Variants in HDAC9 observed in about 807,000 individuals in gnomAD.
The protein encoded by HDAC9 is histone deacetylase 9.
In HDAC9, 41 loss-of-function variants were observed where a neutral mutation model predicts 139.4. The ratio of observed to expected loss-of-function variants is 0.29; its 90% CI spans 0.23 to 0.38. The LOEUF is 0.38. HDAC9 is among the 10% of genes least tolerant of loss of function. The pLI, the probability that HDAC9 is intolerant of heterozygous loss-of-function variation, is 1.00. For missense variants in HDAC9, 1,147 were observed against 1,297.0 expected, an observed-to-expected ratio of 0.88 and a Z score of 1.78; for synonymous variants, 517 against 476.2, an observed-to-expected ratio of 1.09 and a Z score of -1.12.
intron 16 of HDAC9, among the ~76,000 whole-genome samples, chr7:18,779,013 A>G (rs1057448219): frequency 6.6e-6 from 1 of 152,060 alleles, no homozygotes; most frequent in Non-Finnish European, 1.5e-5. Context: ...ATGGAATATC[A>G]GTCACAGTAT....
At chr7:18,404,632 A>C (rs2128737814) in intron 1 of HDAC9, among the ~76,000 whole-genome samples, 2 of 152,326 alleles carry the variant, frequency 1.3e-5, no homozygotes, top group Admixed American at 1.3e-4. Context: ...AATACAGTAA[A>C]TCTTCACTTA....
chr7:18,597,316 A>T (rs1832776877), intron 6 of HDAC9, among the ~76,000 whole-genome samples: 1 of 152,172 alleles, frequency 6.6e-6, no homozygotes, highest in South Asian at 2.1e-4. Context: ...TGCATTGCCC[A>T]CACTTAAAGT....
intron 2 of HDAC9, among the ~76,000 whole-genome samples, chr7:18,177,865 T>C (rs1229108707): frequency 6.6e-6 from 1 of 152,144 alleles, no homozygotes; most frequent in Non-Finnish European, 1.5e-5. Context: ...GTGAGGAGGC[T>C]GATTATAGTG....
chr7:18,253,089 C>CT (rs1284989523), intron 2 of HDAC9, among the ~76,000 whole-genome samples: 3 of 152,282 alleles, frequency 2.0e-5, no homozygotes, highest in Non-Finnish European at 2.9e-5. Flanking sequence ...TGACCTTGTT[C>CT]TTTTTTATGA....
chr7:18,865,533 C>A (rs908142825), intron 21 of HDAC9, among the ~76,000 whole-genome samples: 1 of 152,070 alleles, frequency 6.6e-6, no homozygotes, highest in Non-Finnish European at 1.5e-5. Context: ...GCTTAGCGCT[C>A]CTAGTGCTGA....
chr7:18,797,852 G>A (rs866126755), intron 17 of HDAC9, among the ~76,000 whole-genome samples: 2 of 151,504 alleles, frequency 1.3e-5, no homozygotes, highest in South Asian at 2.1e-4. Context: ...AATTCCTTTC[G>A]TCTTGTTAAT....
intron 2 of HDAC9, among the ~76,000 whole-genome samples, chr7:18,254,802 C>T (rs540411440): frequency 4.7e-4 from 71 of 152,170 alleles, no homozygotes; most frequent in African/African-American, 1.4e-3. Context: ...TTTTTAAGTG[C>T]TTTATTAAGT....
intron 21 of HDAC9, among the ~76,000 whole-genome samples, chr7:18,866,132 A>G (rs1798478733): frequency 6.7e-6 from 1 of 148,726 alleles, no homozygotes. Flanking sequence ...TTCTCATCCC[A>G]TTTCCAACCA....
At chr7:18,372,246 T>G (rs549219370) in intron 1 of HDAC9, among the ~76,000 whole-genome samples, 1 of 152,286 alleles carries the variant, frequency 6.6e-6, no homozygotes, top group East Asian at 1.9e-4. Context: ...TGCAACTGTA[T>G]GAATATGAAG....
At position 18,999,327 on chromosome 7, in the gene HDAC9, T is replaced by G. The variant is rs1585533540; in HGVS notation, c.*3265T>G. ...GTCTCTCTTAATAGTTTAGTCCTGCTTTATTTCCAAAGGGCAATTATAAAG... is the reference window on the plus strand; with the variant it reads ...GTCTCTCTTAATAGTTTAGTCCTGCGTTATTTCCAAAGGGCAATTATAAAG... On this transcript the variant is annotated 3_prime_UTR_variant, in exon 26 of 26. Transcript: ENST00000686413. The G allele has an allele frequency of 6.6e-6, 1 of 152,222 alleles. No homozygotes were observed. Among genetic ancestry groups the G allele is most frequent in the South Asian group, 2.1e-4 (1 of 4,828 alleles). The allele number at this position is 152,222 out of a possible 1,614,324, so 9.4% of individuals were successfully genotyped here. A position where few individuals can be genotyped will look rare whatever the true frequency, so the allele number is the denominator to read the frequency against.
chr7:18,684,676 G>C (rs955088953), intron 12 of HDAC9, among the ~76,000 whole-genome samples: 2 of 151,858 alleles, frequency 1.3e-5, no homozygotes, highest in Admixed American at 6.6e-5. Context: ...ATTTGATATA[G>C]ACTAATTATT....
At chr7:18,429,681 A>C (rs1224435063) in intron 1 of HDAC9, among the ~76,000 whole-genome samples, 1 of 152,198 alleles carries the variant, frequency 6.6e-6, no homozygotes, top group Non-Finnish European at 1.5e-5. Flanking sequence ...TGTTGTTGCA[A>C]GTCATTCAAG....
rs1003525446 is a variant in HDAC9, at chr7:18,655,899, A to C, written c.1467+7216A>C. 2.6e-5 allele frequency among the ~76,000 whole-genome samples: 4 copies of C among 152,186 alleles called. No individual in the cohort carries two copies. The South Asian group carries it at 8.3e-4, about 31-fold the overall frequency. On this transcript the variant is annotated intron_variant, in intron 11 of 25. Coordinates refer to ENST00000686413, the MANE Select transcript of HDAC9 (RefSeq NM_178425.4). ...ATTGATGTTGATTCCAGGCAGTTCA[A>C]AGGGAAAGGGAAGCTAAATAATTTG...
chr7:18,584,599 T>C (rs922191941), intron 2 of HDAC9, among the ~76,000 whole-genome samples: 1 of 152,236 alleles, frequency 6.6e-6, no homozygotes, highest in African/African-American at 2.4e-5. Context: ...CTCATACTTT[T>C]TCCACCTTGT....
intron 12 of HDAC9, among the ~76,000 whole-genome samples, chr7:18,669,110 T>C (rs750311219): frequency 1.3e-5 from 2 of 151,772 alleles, no homozygotes; most frequent in Non-Finnish European, 3.0e-5. Context: ...TTTTTCATGA[T>C]ATGTTATCAT....
At chr7:18,507,716 C>G (rs543877299) in intron 2 of HDAC9, among the ~76,000 whole-genome samples, 2 of 152,176 alleles carry the variant, frequency 1.3e-5, no homozygotes, top group African/African-American at 4.8e-5. Context: ...GTCTCGATCT[C>G]TCGACCTCAG....
intron 2 of HDAC9, among the ~76,000 whole-genome samples, chr7:18,546,698 G>A (rs1473257602): frequency 2.6e-5 from 4 of 152,276 alleles, no homozygotes; most frequent in Non-Finnish European, 4.4e-5. Context: ...ATAATGTAGT[G>A]CATCAACAAA....
rs1338365796 is a variant in HDAC9, at chr7:18,980,792, C to CTT, written c.3170+4839_3170+4840insTT. ...TCTTCTTCTTCCTCTTCTTCTTCTTCCTTCTTCCTTCTTCCTTCTCCTCCG... is the reference window on the plus strand; with the variant it reads ...TCTTCTTCTTCCTCTTCTTCTTCTTCTTCTTCTTCCTTCTTCCTTCTCCTCCG... On this transcript the variant is annotated intron_variant, in intron 25 of 25. Transcript: ENST00000686413. 1.7e-3 allele frequency among the ~76,000 whole-genome samples: 238 copies of CTT among 142,206 alleles called. 2 individuals are homozygous for CTT. Among genetic ancestry groups the CTT allele is most frequent in the Middle Eastern group, 7.4e-3 (2 of 270 alleles). 93.3% of individuals were successfully genotyped at this position (142,206 alleles called of 152,430 possible).
At chr7:18,504,185 A>G (rs997981812) in intron 2 of HDAC9, among the ~76,000 whole-genome samples, 5 of 152,202 alleles carry the variant, frequency 3.3e-5, no homozygotes, top group African/African-American at 7.2e-5. Flanking sequence ...TTTTAAGTAC[A>G]TGATTTTTAC....
Sources: gnomAD v4.1 joint callset for allele counts (sites outside exome capture counted in the v4.1 genomes callset) on GRCh38, gnomAD v4.1.1 for gene constraint, MANE v1.5 for transcripts, NCBI Gene and HGNC (gene_info 2026-07-23, HGNC 2026-07-21) for gene names.